The following GLIPR1L1 variants were observed in gnomAD, a reference collection of about 807,000 sequenced individuals.
The protein encoded by GLIPR1L1 is GLIPR1-like protein 1.
Under a neutral mutation model 29.9 loss-of-function variants are expected in GLIPR1L1, and 26 were observed. That is an observed-to-expected ratio of 0.87 (90% CI 0.64 to 1.21). GLIPR1L1 has a LOEUF of 1.21. GLIPR1L1 is among the 50% of genes most tolerant of loss of function. GLIPR1L1 has a pLI of 0.00. For synonymous variants in GLIPR1L1, 77 were observed against 97.5 expected (o/e 0.79, Z 1.24); for missense variants, 305 against 290.3 (o/e 1.05, Z -0.37).
At chr12:75,367,068 A>C (rs1593853446) in intron 4 of GLIPR1L1, 3 of 699,148 alleles carry the variant, frequency 4.3e-6, no homozygotes, top group African/African-American at 1.7e-5. Flanking sequence ...ACAAAAATGC[A>C]CAGACAAGCC....
chr12:75,366,709 A>T (rs2043988821), intron 4 of GLIPR1L1: 1 of 571,986 alleles, frequency 1.7e-6, no homozygotes, highest in South Asian at 2.1e-5. Flanking sequence ...TTGCAGATCA[A>T]TGTGTGCTGA....
rs565901346 is a variant in GLIPR1L1 at position 75,347,696 on chromosome 12, A to G, written c.495A>G (p.Ala165=). ...MCPNLGGAST[A]IFVCNYGPAG... Reference sequence around the variant, plus strand: ...CTAACCTTGGGGGAGCTTCAACTGCAATATTTGTATGCAACTACGGACCTG... The same window carrying G: ...CTAACCTTGGGGGAGCTTCAACTGCGATATTTGTATGCAACTACGGACCTG... Residue 165 remains alanine (A), a synonymous_variant, in exon 3 of 6, where the codon GCA becomes GCG. Coordinates refer to ENST00000378695, the MANE Select transcript of GLIPR1L1 (RefSeq NM_001304964.2). 1.2e-6 allele frequency: 2 copies of G among 1,604,872 alleles called. No homozygotes were observed. The highest frequency in any genetic ancestry group is 1.1e-5 in the South Asian group (1 of 90,070).
At chr12:75,341,153 G>C (rs2042077445) in intron 1 of GLIPR1L1, among the ~76,000 whole-genome samples, 1 of 151,978 alleles carries the variant, frequency 6.6e-6, no homozygotes, top group Non-Finnish European at 1.5e-5. Flanking sequence ...ATAAAAACCT[G>C]CTCACAAATA....
chr12:75,334,973 G>C lies in GLIPR1L1; in HGVS notation c.174+71G>C, dbSNP rs979146349. The C allele has an allele frequency of 7.0e-6, 10 of 1,421,326 alleles. No individual in the cohort carries two copies. The African/African-American group carries it at 1.4e-4, about 20-fold the overall frequency. The allele number at this position is 1,421,326 out of a possible 1,614,324, so 88.0% of individuals were successfully genotyped here. A position where few individuals can be genotyped will look rare whatever the true frequency, so the allele number is the denominator to read the frequency against. On this transcript the variant is annotated intron_variant, in intron 1 of 5. Transcript: ENST00000378695. ...GAGGTATCTGGGTGATAAATTTCAC[G>C]GACTTAACTTGTACTAATTCAATCC...
Position 75,370,071 on chromosome 12 carries a change from T to C in GLIPR1L1, c.638-14T>C. The C allele has an allele frequency of 6.4e-7, 1 of 1,553,684 alleles. No homozygotes were observed. Among genetic ancestry groups the C allele is most frequent in the Non-Finnish European group, 8.8e-7 (1 of 1,130,706 alleles). ...AACTCTTAACTATTCTGGTTTTGTT[T>C]TTGTTTTTGACAGAAAATCCATTTC... On this transcript the variant is annotated splice_polypyrimidine_tract_variant and intron_variant, in intron 5 of 5. Coordinates refer to ENST00000378695, the MANE Select transcript of GLIPR1L1 (RefSeq NM_001304964.2).
rs116272315 is a variant in GLIPR1L1 at position 75,339,832 on chromosome 12, G to C, written c.175-3861G>C. Among the ~76,000 whole-genome samples the C allele has an allele frequency of 2.0e-3, 309 of 152,026 alleles. 5 individuals are homozygous for C. Among genetic ancestry groups the C allele is most frequent in the African/African-American group, 7.3e-3 (304 of 41,514 alleles). On this transcript the variant is annotated intron_variant, in intron 1 of 5. Coordinates refer to ENST00000378695, the MANE Select transcript of GLIPR1L1 (RefSeq NM_001304964.2). ...GCTAGCCAGTTCTCCCAGCGGAAAA[G>C]TTATTTACTGGTGATTTCTGAGATT... is the stretch of plus-strand genomic sequence containing the variant.
At chr12:75,355,699 T>G (rs996263963) in intron 3 of GLIPR1L1, among the ~76,000 whole-genome samples, 2 of 152,172 alleles carry the variant, frequency 1.3e-5, no homozygotes, top group African/African-American at 4.8e-5. Context: ...GCAGCACTAT[T>G]TATAATAGCA....
chr12:75,342,991 A>C (rs1459170393), intron 1 of GLIPR1L1, among the ~76,000 whole-genome samples: 2 of 151,878 alleles, frequency 1.3e-5, no homozygotes, highest in Non-Finnish European at 2.9e-5. Context: ...GTATCTTTCA[A>C]CTTTGATAAC....
chr12:75,336,440 A>G (rs2041744597), intron 1 of GLIPR1L1, among the ~76,000 whole-genome samples: 1 of 151,816 alleles, frequency 6.6e-6, no homozygotes, highest in African/African-American at 2.4e-5. Flanking sequence ...GAAACATATC[A>G]CAAATAGATT....
intron 4 of GLIPR1L1, 93 bp downstream of exon 4, chr12:75,363,283 C>T (rs1442779752): frequency 4.0e-6 from 2 of 494,324 alleles, no homozygotes; most frequent in African/African-American, 4.1e-5. Flanking sequence ...AGTTTACAAA[C>T]TATGGACAAG....
At position 75,363,146 on chromosome 12, in the gene GLIPR1L1, GCT is replaced by G. The variant is rs748155915; in HGVS notation, c.573_574del (p.Cys192LeufsTer20). The G allele has an allele frequency of 2.1e-5, 33 of 1,553,834 alleles. No homozygotes were observed. The highest frequency in any genetic ancestry group is 2.8e-5 in the African/African-American group (2 of 71,294). ...CCTCCTTACGTAAGAGGAGAATCTT[GCT>G]CTCTCTGCTCAAAAGAAGAGAAATG... is the stretch of plus-strand genomic sequence containing the variant. On this transcript the variant is annotated frameshift_variant, in exon 4 of 6. Coordinates refer to ENST00000378695, the MANE Select transcript of GLIPR1L1 (RefSeq NM_001304964.2). LOFTEE classifies it high-confidence loss of function.
chr12:75,346,614 C>T (rs2042465440), intron 2 of GLIPR1L1, among the ~76,000 whole-genome samples: 1 of 152,188 alleles, frequency 6.6e-6, no homozygotes, highest in Admixed American at 6.5e-5. Flanking sequence ...TGACCTCGAA[C>T]TCCTGACCTC....
At chr12:75,347,519 C>T in intron 2 of GLIPR1L1, 103 bp from the exon 3 acceptor site, 1 of 605,298 alleles carries the variant, frequency 1.7e-6, no homozygotes, top group Non-Finnish European at 2.9e-6. Flanking sequence ...TATTTATGTA[C>T]ATTATTTTTT....
chr12:75,365,130 G>A (rs1566008400), intron 4 of GLIPR1L1: 1 of 152,116 alleles, frequency 6.6e-6, no homozygotes, highest in Non-Finnish European at 1.5e-5. Context: ...CTAGAGGGAA[G>A]GTGCTTGTAT....
At chr12:75,357,172 A>G (rs1480655049) in intron 3 of GLIPR1L1, among the ~76,000 whole-genome samples, 1 of 152,180 alleles carries the variant, frequency 6.6e-6, no homozygotes, top group East Asian at 1.9e-4. Flanking sequence ...CCTGGGAAAC[A>G]GTGTGAGACT....
rs2044291810 is a variant in GLIPR1L1 at position 75,370,513 on chromosome 12, C to A, written c.*337C>A. Reference sequence around the variant, plus strand: ...CATATCAAATAGTTTCCTTAGATACCAATAGTTTCCTTTATGAATACCATC... The same window carrying A: ...CATATCAAATAGTTTCCTTAGATACAAATAGTTTCCTTTATGAATACCATC... On this transcript the variant is annotated 3_prime_UTR_variant, in exon 6 of 6. Coordinates refer to ENST00000378695, the MANE Select transcript of GLIPR1L1 (RefSeq NM_001304964.2). 6.0e-6 allele frequency: 1 copy of A among 167,822 alleles called. No individual in the cohort carries two copies. The highest frequency in any genetic ancestry group is 2.4e-5 in the African/African-American group (1 of 41,820). 10.4% of individuals were successfully genotyped at this position (167,822 alleles called of 1,614,324 possible).
chr12:75,353,611 C>T (rs562807412), intron 3 of GLIPR1L1, among the ~76,000 whole-genome samples: 14 of 152,220 alleles, frequency 9.2e-5, no homozygotes, highest in African/African-American at 3.4e-4. Flanking sequence ...TTCCAAACAA[C>T]TGAAAAGGAG....
chr12:75,335,888 T>C (rs2041701518), intron 1 of GLIPR1L1, among the ~76,000 whole-genome samples: 1 of 152,026 alleles, frequency 6.6e-6, no homozygotes, highest in South Asian at 2.1e-4. Flanking sequence ...AGTATTAATA[T>C]GGTTGATGCC....
chr12:75,344,942 G>C (rs1192999262), intron 2 of GLIPR1L1, among the ~76,000 whole-genome samples: 1 of 152,130 alleles, frequency 6.6e-6, no homozygotes, highest in Non-Finnish European at 1.5e-5. Flanking sequence ...TGGAAAGTGA[G>C]AATAGGTCCA....
Sources: gnomAD v4.1 joint callset for allele counts (sites outside exome capture counted in the v4.1 genomes callset) on GRCh38, gnomAD v4.1.1 for gene constraint, MANE v1.5 for transcripts, NCBI Gene and HGNC (gene_info 2026-07-23, HGNC 2026-07-21) for gene names.